The following NOL4 variants were observed in gnomAD, a reference collection of about 807,000 sequenced individuals.
NOL4 encodes cancer/testis antigen 125.
NOL4 carries 17 observed loss-of-function variants against 75.9 expected under a neutral mutation model. The observed-to-expected ratio is 0.22, with a 90% CI of 0.15 to 0.34. The LOEUF (loss-of-function observed/expected upper bound fraction) is 0.34, where lower values mean the gene tolerates loss of function less well. Ranked by LOEUF, NOL4 falls within the 10% of genes least tolerant of loss-of-function variation. The pLI, the probability that NOL4 is intolerant of heterozygous loss-of-function variation, is 1.00. For missense variants in NOL4, 614 were observed against 793.5 expected (o/e 0.77, Z 2.72); for synonymous variants, 292 against 289.9 (o/e 1.01, Z -0.07).
intron 1 of NOL4, among the ~76,000 whole-genome samples, chr18:34,141,633 T>G (rs760635102): frequency 2.4e-4 from 36 of 152,180 alleles, no homozygotes; most frequent in Non-Finnish European, 4.7e-4. Context: ...TAGCTATATG[T>G]AGAAAGCTGA....
At chr18:34,137,238 A>T (rs114502063) in intron 1 of NOL4, among the ~76,000 whole-genome samples, 2,228 of 152,286 alleles carry the variant, frequency 0.015, 15 homozygotes, top group Middle Eastern at 0.034. Context: ...GGTAACGCAA[A>T]GTCCTCATAA....
chr18:34,179,902 T>C (rs1311590602), intron 1 of NOL4, among the ~76,000 whole-genome samples: 1 of 151,528 alleles, frequency 6.6e-6, no homozygotes, highest in Non-Finnish European at 1.5e-5. Flanking sequence ...GTTTATGGTA[T>C]TTTGTTTTAG....
intron 10 of NOL4, among the ~76,000 whole-genome samples, chr18:33,880,158 T>C (rs115875367): frequency 0.022 from 3,289 of 152,200 alleles, 56 homozygotes; most frequent in Middle Eastern, 0.051. Flanking sequence ...TCTTTTCTAG[T>C]ATTTTTATCA....
At chr18:34,200,241 T>C (rs541978533) in intron 1 of NOL4, among the ~76,000 whole-genome samples, 1 of 151,974 alleles carries the variant, frequency 6.6e-6, no homozygotes, top group African/African-American at 2.4e-5. Flanking sequence ...GTTGACCTGG[T>C]AGCACTTCAT....
chr18:34,023,880 C>G (rs2075180705), intron 5 of NOL4, among the ~76,000 whole-genome samples: 1 of 151,956 alleles, frequency 6.6e-6, no homozygotes, highest in Non-Finnish European at 1.5e-5. Context: ...TATTGTTTCT[C>G]TTTTGCTACT....
At chr18:33,918,530 G>T (rs1476899158) in intron 9 of NOL4, among the ~76,000 whole-genome samples, 2 of 152,110 alleles carry the variant, frequency 1.3e-5, no homozygotes, top group African/African-American at 2.4e-5. Flanking sequence ...AATTTAAACA[G>T]CATTCTTATT....
chr18:34,219,081 A>AAC (rs199533540), intron 1 of NOL4, among the ~76,000 whole-genome samples: 1 of 152,214 alleles, frequency 6.6e-6, no homozygotes, highest in African/African-American at 2.4e-5. Context: ...GAACAATATG[A>AAC]AATCTGAGGC....
At chr18:34,004,583 C>T (rs903874330) in intron 6 of NOL4, among the ~76,000 whole-genome samples, 3 of 151,894 alleles carry the variant, frequency 2.0e-5, no homozygotes, top group African/African-American at 4.8e-5. Flanking sequence ...AAAAGCAAAC[C>T]TATGTTGATG....
intron 10 of NOL4, among the ~76,000 whole-genome samples, chr18:33,878,742 T>C (rs2144610568): frequency 6.6e-6 from 1 of 152,140 alleles, no homozygotes; most frequent in South Asian, 2.1e-4. Context: ...ATATTTTGTG[T>C]TTTTTAAAAA....
At chr18:34,155,910 A>T (rs1317991491) in intron 1 of NOL4, among the ~76,000 whole-genome samples, 1 of 152,150 alleles carries the variant, frequency 6.6e-6, no homozygotes, top group Non-Finnish European at 1.5e-5. Flanking sequence ...TGTAACAAGA[A>T]AAACAAAATG....
chr18:33,878,043 C>T (rs994322295), intron 10 of NOL4, among the ~76,000 whole-genome samples: 1 of 151,928 alleles, frequency 6.6e-6, no homozygotes, highest in Non-Finnish European at 1.5e-5. Flanking sequence ...CACATCCTTT[C>T]CCTAAGAACA....
intron 1 of NOL4, among the ~76,000 whole-genome samples, chr18:34,150,246 A>T (rs2081584563): frequency 6.6e-6 from 1 of 151,688 alleles, no homozygotes; most frequent in Non-Finnish European, 1.5e-5. Context: ...GCCCTCAAAA[A>T]ATGTGGAAGG....
At chr18:34,048,480 A>G (rs2076481569) in intron 5 of NOL4, 1 of 985,238 alleles carries the variant, frequency 1.0e-6, no homozygotes. Context: ...TGTCTGTGGC[A>G]GGCCAATTCT....
chr18:34,171,445 G>A (rs2033031452), intron 1 of NOL4, among the ~76,000 whole-genome samples: 1 of 152,104 alleles, frequency 6.6e-6, no homozygotes, highest in Admixed American at 6.6e-5. Context: ...TTGCTCTTAT[G>A]AGCCACCATA....
intron 9 of NOL4, among the ~76,000 whole-genome samples, chr18:33,935,900 A>C (rs1338454564): frequency 6.6e-6 from 1 of 152,156 alleles, no homozygotes; most frequent in Non-Finnish European, 1.5e-5. Context: ...AAATGCCAGG[A>C]GTAAAGTAAA....
intron 1 of NOL4, among the ~76,000 whole-genome samples, chr18:34,173,186 AT>A (rs1236729323): frequency 4.6e-5 from 7 of 152,248 alleles, no homozygotes; most frequent in East Asian, 3.9e-4. Flanking sequence ...AATATATGGA[AT>A]GTTTTAAAGA....
chr18:34,071,258 G>A (rs2077501969), intron 5 of NOL4, among the ~76,000 whole-genome samples: 1 of 152,068 alleles, frequency 6.6e-6, no homozygotes, highest in Non-Finnish European at 1.5e-5. Flanking sequence ...AGTGAACAAA[G>A]CTCTTTTAGT....
At chr18:33,983,189 G>A (rs766614474) in intron 6 of NOL4, among the ~76,000 whole-genome samples, 134 of 152,190 alleles carry the variant, frequency 8.8e-4, no homozygotes, top group Non-Finnish European at 1.5e-3. Flanking sequence ...CAGGGGTTAG[G>A]GGGAGGAAGG....
At chr18:34,032,802 A>G (rs2075705956) in intron 5 of NOL4, among the ~76,000 whole-genome samples, 1 of 152,148 alleles carries the variant, frequency 6.6e-6, no homozygotes, top group Non-Finnish European at 1.5e-5. Context: ...TCTGGGACCC[A>G]AGGACAGGCA....
Sources: allele counts gnomAD v4.1 joint callset (sites outside exome capture counted in the v4.1 genomes callset), GRCh38; gene constraint gnomAD v4.1.1; transcripts MANE v1.5; gene names NCBI Gene and HGNC (gene_info 2026-07-23, HGNC 2026-07-21).